The following NEIL1 variants were observed in gnomAD, a reference collection of about 807,000 sequenced individuals.
The protein encoded by NEIL1 is nei like DNA glycosylase 1, also known as endonuclease 8-like 1.
NEIL1 carries 31 observed loss-of-function variants against 44.2 expected under a neutral mutation model. The ratio of observed to expected loss-of-function variants is 0.70; its 90% confidence interval spans 0.53 to 0.95. The LOEUF is 0.95. Among genes scored for constraint, NEIL1 ranks in the 40% least tolerant of loss-of-function variants. The pLI is 0.00. For missense variants in NEIL1, 549 were observed against 515.5 expected (o/e 1.07, Z -0.63); for synonymous variants, 254 against 209.7 (o/e 1.21, Z -1.83).
chr15:75,354,372 C>T (rs1047410743), intron 7 of NEIL1, 59 bp from the exon 8 acceptor site: 111 of 1,611,972 alleles, frequency 6.9e-5, no homozygotes, highest in Non-Finnish European at 9.1e-5. Flanking sequence ...CCCCTGCAAC[C>T]CTGGGAGTCA....
chr15:75,347,828 A>G, intron 1 of NEIL1: 4 of 1,161,076 alleles, frequency 3.4e-6, no homozygotes, highest in Non-Finnish European at 4.4e-6. Context: ...CTCCTCCCCA[A>G]AACTAGGATT....
chr15:75,355,000 C>A lies in NEIL1; in HGVS notation c.1139C>A (p.Pro380Gln), dbSNP rs775205005. The A allele has an allele frequency of 6.2e-7, 1 of 1,614,072 alleles. No homozygotes were observed. ...CRPRKVKADI[P>Q]SLEPEGTSAS ...CCCCGGAAGGTCAAGGCTGACATCC[C>A]ATCCTTGGAACCAGAGGGGACCTCA... Residue 380 changes from proline (P) to glutamine (Q), a missense_variant, in exon 10 of 10, where the codon CCA (proline) becomes CAA (glutamine). Coordinates refer to ENST00000355059, the MANE Select transcript of NEIL1 (RefSeq NM_024608.4).
In NEIL1 at chr15:75,355,206, A is replaced by C; in HGVS notation, c.*172A>C. 1.2e-5 allele frequency: 7 copies of C among 601,648 alleles called. No individual in the cohort carries two copies. Among genetic ancestry groups the C allele is most frequent in the Non-Finnish European group, 1.8e-5 (6 of 342,384 alleles). 37.3% of individuals were successfully genotyped at this position (601,648 alleles called of 1,614,324 possible). On this transcript the variant is annotated 3_prime_UTR_variant, in exon 10 of 10. Coordinates refer to ENST00000355059, the MANE Select transcript of NEIL1 (RefSeq NM_024608.4). Reference sequence around the variant, plus strand: ...CCCATCTTCCACATCTTTAAAGCTCATGTGAAAAATGCTGCATTTTTAATA... The same window carrying C: ...CCCATCTTCCACATCTTTAAAGCTCCTGTGAAAAATGCTGCATTTTTAATA...
chr15:75,354,094 T>C (rs2072152807), intron 6 of NEIL1, 156 bp from the exon 7 acceptor site: 1 of 1,041,734 alleles, frequency 9.6e-7, no homozygotes, highest in Non-Finnish European at 1.4e-6. Flanking sequence ...AGAGCAGCTT[T>C]GCTGATGTGG....
chr15:75,349,414 C>A lies in NEIL1; in HGVS notation c.434+75C>A, dbSNP rs1239329278. The A allele has an allele frequency of 1.1e-5, 16 of 1,413,328 alleles. No homozygotes were observed. The East Asian group carries it at 3.0e-4, about 26-fold the overall frequency. The allele number at this position is 1,413,328 out of a possible 1,614,324, so 87.5% of individuals were successfully genotyped here. On this transcript the variant is annotated intron_variant, in intron 2 of 9. Transcript: ENST00000355059. Reference sequence around the variant, plus strand: ...ACTCTCTTAGTGCCTTCTTGGCCAACAAGGGGCGAGTCCCTGCCCCTTCTG... The same window carrying A: ...ACTCTCTTAGTGCCTTCTTGGCCAAAAAGGGGCGAGTCCCTGCCCCTTCTG...
chr15:75,347,856 C>T (rs1351018039), intron 1 of NEIL1: 2 of 1,191,344 alleles, frequency 1.7e-6, no homozygotes, highest in East Asian at 7.1e-5. Context: ...TCACGTTCTC[C>T]CGCAAAACGA....
At chr15:75,351,336 C>T (rs371817430) in intron 2 of NEIL1, 38 of 424,950 alleles carry the variant, frequency 8.9e-5, no homozygotes, top group African/African-American at 5.3e-4. Context: ...AGTACAGTGG[C>T]GCCATCACAG....
rs142176551 is a variant in NEIL1 at position 75,356,322 on chromosome 15, G to A, written c.*1288G>A. On this transcript the variant is annotated 3_prime_UTR_variant, in exon 10 of 10. Coordinates refer to ENST00000355059, the MANE Select transcript of NEIL1 (RefSeq NM_024608.4). This position sits in a 1 kb window ranked among gnomAD's most constrained non-coding sequence, Gnocchi z 5.8. Reference sequence around the variant, plus strand: ...TTGCCTGCTTGACGGTCTCCAATACGACCGCGGGTGAAGACACGGAAAACG... The same window carrying A: ...TTGCCTGCTTGACGGTCTCCAATACAACCGCGGGTGAAGACACGGAAAACG... 3.8e-5 allele frequency: 62 copies of A among 1,612,334 alleles called. No individual in the cohort carries two copies. The African/African-American group carries it at 5.6e-4, about 15-fold the overall frequency.
intron 1 of NEIL1, chr15:75,347,991 G>A (rs1292412311): frequency 3.3e-6 from 4 of 1,220,466 alleles, no homozygotes; most frequent in Non-Finnish European, 4.2e-6. Context: ...GAACCGCCCG[G>A]GGACAGAGGC....
chr15:75,352,501 A>G (rs2071995511), intron 4 of NEIL1, 101 bp from the exon 5 acceptor site: 2 of 1,544,064 alleles, frequency 1.3e-6, no homozygotes, highest in Non-Finnish European at 1.8e-6. Context: ...AGGGGTGGGG[A>G]GGGGATGAAC....
intron 5 of NEIL1, chr15:75,353,168 T>C (rs914490233): frequency 2.8e-5 from 5 of 176,570 alleles, no homozygotes; most frequent in Non-Finnish European, 5.9e-5. Flanking sequence ...AAAAAAACAG[T>C]GTTTCCTCCA....
intron 1 of NEIL1, chr15:75,347,738 C>A: frequency 1.0e-6 from 1 of 963,084 alleles, no homozygotes; most frequent in Non-Finnish European, 1.3e-6. Context: ...CTTTGGGGGG[C>A]CCTGAGGAGG....
intron 1 of NEIL1, chr15:75,348,046 C>A (rs1189053507): frequency 4.5e-6 from 5 of 1,103,258 alleles, no homozygotes; most frequent in Non-Finnish European, 3.4e-6. Flanking sequence ...CGATACCCCC[C>A]ACCCCAGGGA....
chr15:75,352,316 C>G lies in NEIL1; in HGVS notation c.555-8C>G, dbSNP rs368830183. On this transcript the variant is annotated splice_region_variant and splice_polypyrimidine_tract_variant and intron_variant, in intron 3 of 9. Transcript: ENST00000355059. ...TGCCTAGCATGGCTTGCCTTGCCCC[C>G]ACTACAGGCTGAAGATCCCCCCCTT... The G allele has an allele frequency of 5.7e-5, 92 of 1,614,018 alleles. No individual in the cohort carries two copies. Among genetic ancestry groups the G allele is most frequent in the Non-Finnish European group, 7.1e-5 (84 of 1,180,014 alleles).
At position 75,356,258 on chromosome 15, in the gene NEIL1, G is replaced by GGCCCA. The variant is rs1236018117; in HGVS notation, c.*1226_*1230dup. ...CGTCTGGTGGGAGGGGCCGAGGGCA[G>GGCCCA]GCCCAGTTCGGAACCCCGTCCCCAG... is the stretch of plus-strand genomic sequence containing the variant. On this transcript the variant is annotated 3_prime_UTR_variant, in exon 10 of 10. Transcript: ENST00000355059. This position sits in a 1 kb window ranked among gnomAD's most constrained non-coding sequence, Gnocchi z 5.8. The GGCCCA allele has an allele frequency of 6.2e-7, 1 of 1,612,206 alleles. No homozygotes were observed. Among genetic ancestry groups the GGCCCA allele is most frequent in the Non-Finnish European group, 8.5e-7 (1 of 1,179,342 alleles).
chr15:75,347,742 GA>G (rs1404376130), intron 1 of NEIL1: 2 of 1,006,648 alleles, frequency 2.0e-6, no homozygotes, highest in Non-Finnish European at 2.5e-6. Context: ...GGGGGGCCCT[GA>G]GGAGGAGGGG....
chr15:75,351,363 C>T (rs894312746), intron 2 of NEIL1: 1 of 416,080 alleles, frequency 2.4e-6, no homozygotes. Context: ...GCAGCCTTAA[C>T]CTCCAGGGCT....
At chr15:75,347,739 C>A in intron 1 of NEIL1, 1 of 983,012 alleles carries the variant, frequency 1.0e-6, no homozygotes, top group Non-Finnish European at 1.3e-6. Flanking sequence ...TTTGGGGGGC[C>A]CTGAGGAGGA....
chr15:75,353,913 G>C, intron 6 of NEIL1, 47 bp downstream of exon 6: 1 of 1,607,810 alleles, frequency 6.2e-7, no homozygotes, highest in South Asian at 1.1e-5. Flanking sequence ...GAGGCTGATG[G>C]GTGGAAACGT....
Sources: allele counts gnomAD v4.1 joint callset, GRCh38; gene constraint gnomAD v4.1.1; non-coding constraint Gnocchi (gnomAD v3.1); transcripts MANE v1.5; gene names NCBI Gene and HGNC (gene_info 2026-07-23, HGNC 2026-07-21).